Variants in ZBED6 observed in about 807,000 individuals in gnomAD.
ZBED6 encodes the protein zinc finger BED domain-containing protein 6.
A neutral mutation model predicts 58.4 loss-of-function variants in ZBED6; 40 were observed. The observed-to-expected ratio is 0.68, with a 90% CI of 0.53 to 0.89. ZBED6 has a LOEUF of 0.89. Among genes scored for constraint, ZBED6 ranks in the 40% least tolerant of loss-of-function variants. The probability of loss-of-function intolerance (pLI) is 0.00; values close to 1 mark genes in which losing one functional copy is unlikely to be tolerated. For synonymous variants in ZBED6, 439 were observed against 350.6 expected (o/e 1.25, Z -2.82); for missense variants, 1,057 against 1,003.9 (o/e 1.05, Z -0.71).
At chr1:203,805,517 C>T (rs1672026477) in intron 1 of ZBED6, 1 of 484,716 alleles carries the variant, frequency 2.1e-6, no homozygotes, top group African/African-American at 2.0e-5. Flanking sequence ...TTAAACTTTC[C>T]TTCAAAGAAA....
intron 11 of ZBED6, among the ~76,000 whole-genome samples, chr1:203,845,210 T>G (rs1345970288): frequency 6.6e-6 from 1 of 152,220 alleles, no homozygotes; most frequent in Non-Finnish European, 1.5e-5. Context: ...AGTGACATCC[T>G]TATTTCTCAT....
At chr1:203,808,781 C>T (rs565814111) in intron 1 of ZBED6, among the ~76,000 whole-genome samples, 2 of 152,174 alleles carry the variant, frequency 1.3e-5, no homozygotes, top group South Asian at 2.1e-4. Flanking sequence ...TCATCTTCGT[C>T]GTCGTCATCG....
Position 203,816,923 on chromosome 1 carries a change from T to A in ZBED6, c.*2555-3T>A, listed in dbSNP as rs1168684844. The A allele has an allele frequency of 3.7e-6, 2 of 547,300 alleles. No homozygotes were observed. Among genetic ancestry groups the A allele is most frequent in the Non-Finnish European group, 6.5e-6 (2 of 307,056 alleles). The allele number at this position is 547,300 out of a possible 1,614,324, so 33.9% of individuals were successfully genotyped here. A position where few individuals can be genotyped will look rare whatever the true frequency, so the allele number is the denominator to read the frequency against. ...ATTTTAATTCATTGTCTCCTCATTT[T>A]AGGATTACAGTTTAAAGACAATTTC... On this transcript the variant is annotated splice_region_variant and splice_polypyrimidine_tract_variant and intron_variant, in intron 1 of 16. Transcript: ENST00000550078.
chr1:203,797,135 A>G (rs1257256548), exon 1 of ZBED6: 1 of 158,014 alleles, frequency 6.3e-6, no homozygotes, highest in African/African-American at 2.4e-5. Flanking sequence ...CATTTCAAGT[A>G]GATATAGTTC....
intron 7 of ZBED6, 100 bp from the exon 8 acceptor site, chr1:203,831,561 G>C: frequency 1.1e-6 from 1 of 880,436 alleles, no homozygotes; most frequent in East Asian, 2.6e-5. Context: ...CATAATATCA[G>C]TCTGTATTGG....
intron 9 of ZBED6, among the ~76,000 whole-genome samples, chr1:203,836,870 T>C (rs1036351630): frequency 2.6e-5 from 4 of 152,240 alleles, no homozygotes; most frequent in African/African-American, 9.6e-5. Context: ...TTCAGAACCT[T>C]AGATTTCTTT....
At chr1:203,797,588 T>A in exon 1 of ZBED6, 2 of 1,534,446 alleles carry the variant, frequency 1.3e-6, no homozygotes, top group Non-Finnish European at 1.7e-6. Context: ...GCAACACTTT[T>A]AGTGATTCTG....
chr1:203,830,274 C>A, intron 7 of ZBED6, 71 bp downstream of exon 7: 1 of 1,181,986 alleles, frequency 8.5e-7, no homozygotes, highest in Non-Finnish European at 1.2e-6. Flanking sequence ...CTTCTAGAAG[C>A]AACAGCCAAA....
At chr1:203,800,698 G>T in exon 1 of ZBED6, 2 of 342,260 alleles carry the variant, frequency 5.8e-6, no homozygotes, top group Admixed American at 4.6e-5. Context: ...TGAGAGAGAA[G>T]ATATTTTTAA....
chr1:203,829,111 G>C (rs1681456614), intron 4 of ZBED6, among the ~76,000 whole-genome samples: 1 of 152,160 alleles, frequency 6.6e-6, no homozygotes, highest in Non-Finnish European at 1.5e-5. Flanking sequence ...TCATATGCTT[G>C]GGTCTTAGAA....
Position 203,797,947 on chromosome 1 carries a change from A to AC in ZBED6, c.430dup (p.Gln144ProfsTer9), listed in dbSNP as rs1417280291. On this transcript the variant is annotated frameshift_variant, in exon 1 of 17. Transcript: ENST00000550078. LOFTEE classifies it high-confidence loss of function. ...ATTGTGTGGCACTTCTTTCATGTTGACCCCCAGTACACCTGGCGGGCCATT... is the reference window on the plus strand; with the variant it reads ...ATTGTGTGGCACTTCTTTCATGTTGACCCCCCAGTACACCTGGCGGGCCATT... 2 of 1,535,762 alleles carry AC rather than the reference A, an allele frequency of 1.3e-6. No individual in the cohort carries two copies. The highest frequency in any genetic ancestry group is 1.7e-6 in the Non-Finnish European group (2 of 1,146,832).
intron 3 of ZBED6, among the ~76,000 whole-genome samples, chr1:203,821,933 AC>A (rs1678877835): frequency 6.6e-6 from 1 of 151,646 alleles, no homozygotes; most frequent in Non-Finnish European, 1.5e-5. Context: ...AATTTTTTGT[AC>A]TTTTAGTAGA....
intron 16 of ZBED6, among the ~76,000 whole-genome samples, chr1:203,851,556 C>T (rs1243046309): frequency 6.6e-6 from 1 of 152,146 alleles, no homozygotes; most frequent in Non-Finnish European, 1.5e-5. Context: ...TCTCAAACTC[C>T]TGACGTCAAG....
intron 11 of ZBED6, among the ~76,000 whole-genome samples, chr1:203,843,638 ATGAC>A (rs1687094644): frequency 6.6e-6 from 1 of 152,214 alleles, no homozygotes; most frequent in Admixed American, 6.5e-5. Flanking sequence ...ATGTAAATGA[ATGAC>A]TGCTGGTGTG....
intron 1 of ZBED6, among the ~76,000 whole-genome samples, chr1:203,807,768 G>T (rs1672873710): frequency 6.6e-6 from 1 of 151,798 alleles, no homozygotes; most frequent in East Asian, 1.9e-4. Flanking sequence ...TTGAGAGAGG[G>T]TCTTGCTCTG....
intron 11 of ZBED6, among the ~76,000 whole-genome samples, chr1:203,845,070 A>G (rs1304313812): frequency 2.0e-5 from 3 of 152,046 alleles, no homozygotes. Flanking sequence ...CCCAAGTTTG[A>G]CAGTTTCCTT....
intron 9 of ZBED6, among the ~76,000 whole-genome samples, chr1:203,837,313 T>C (rs1684661357): frequency 6.6e-6 from 1 of 152,030 alleles, no homozygotes; most frequent in Non-Finnish European, 1.5e-5. Flanking sequence ...AAGGGTTCTT[T>C]TGTACATGAA....
At chr1:203,840,637 T>TTTA (rs367706144) in intron 11 of ZBED6, among the ~76,000 whole-genome samples, 10 of 124,512 alleles carry the variant, frequency 8.0e-5, no homozygotes, top group African/African-American at 2.4e-4. Flanking sequence ...TATTTATTTA[T>TTTA]TTTATTTATT....
intron 3 of ZBED6, among the ~76,000 whole-genome samples, chr1:203,824,274 TA>T (rs5780199): frequency 0.14 from 18,937 of 139,884 alleles, 1,505 homozygotes; most frequent in East Asian, 0.3. Flanking sequence ...ATCTCAAAAT[TA>T]AAAAAAAAAA....
Sources: allele counts gnomAD v4.1 joint callset (sites outside exome capture counted in the v4.1 genomes callset), GRCh38; gene constraint gnomAD v4.1.1; transcripts MANE v1.5; gene names NCBI Gene and HGNC (gene_info 2026-07-23, HGNC 2026-07-21).